Variants in GREB1L observed in about 807,000 individuals in gnomAD.
The protein encoded by GREB1L is GREB1 like retinoic acid receptor coactivator.
Under a neutral mutation model 200.8 loss-of-function variants are expected in GREB1L, and 17 were observed. That is an observed-to-expected ratio of 0.08 (90% CI 0.06 to 0.13). The LOEUF is 0.13. GREB1L is among the 10% of genes least tolerant of loss of function. The pLI is 1.00. For missense variants in GREB1L, 1,657 were observed against 2,367.7 expected, an observed-to-expected ratio of 0.70 and a Z score of 6.23; for synonymous variants, 789 against 893.0, an observed-to-expected ratio of 0.88 and a Z score of 2.08.
intron 18 of GREB1L, among the ~76,000 whole-genome samples, chr18:21,489,562 C>T (rs2145845164): frequency 6.6e-6 from 1 of 152,256 alleles, no homozygotes; most frequent in East Asian, 1.9e-4. Context: ...GGTGAGGATC[C>T]AGGAATTATC....
At chr18:21,384,675 G>C (rs1317295976) in intron 4 of GREB1L, among the ~76,000 whole-genome samples, 1 of 152,050 alleles carries the variant, frequency 6.6e-6, no homozygotes, top group Non-Finnish European at 1.5e-5. Flanking sequence ...GAATTGCAGA[G>C]GCAATTCTAA....
intron 1 of GREB1L, among the ~76,000 whole-genome samples, chr18:21,315,139 G>C (rs1356672833): frequency 6.6e-6 from 1 of 151,996 alleles, no homozygotes. Context: ...ACCCAGGCTG[G>C]AGTGTAGTGG....
At chr18:21,476,685 T>C (rs1598900068) in intron 16 of GREB1L, among the ~76,000 whole-genome samples, 1 of 151,910 alleles carries the variant, frequency 6.6e-6, no homozygotes, top group African/African-American at 2.4e-5. Context: ...TCTCCTGCCT[T>C]AGCCTCCCGA....
intron 7 of GREB1L, among the ~76,000 whole-genome samples, chr18:21,412,532 C>A (rs771236238): frequency 2.6e-5 from 4 of 152,182 alleles, no homozygotes; most frequent in South Asian, 2.1e-4. Flanking sequence ...ACAAAAAAGT[C>A]ATTCACAAAA....
intron 27 of GREB1L, among the ~76,000 whole-genome samples, chr18:21,512,493 A>G (rs544448139): frequency 1.3e-5 from 2 of 152,186 alleles, no homozygotes; most frequent in Non-Finnish European, 2.9e-5. Flanking sequence ...ATAGAAATGC[A>G]ACTGATTTTG....
intron 7 of GREB1L, among the ~76,000 whole-genome samples, chr18:21,414,545 A>C (rs1209002205): frequency 6.6e-6 from 1 of 152,196 alleles, no homozygotes; most frequent in African/African-American, 2.4e-5. Flanking sequence ...AATGTAGGCA[A>C]GTTCAAGATA....
intron 19 of GREB1L, among the ~76,000 whole-genome samples, chr18:21,490,664 G>A (rs1318247431): frequency 3.3e-5 from 5 of 152,134 alleles, no homozygotes; most frequent in Non-Finnish European, 7.4e-5. Flanking sequence ...TGTAGCCCAT[G>A]GCCATCTGTT....
intron 11 of GREB1L, among the ~76,000 whole-genome samples, chr18:21,445,831 C>G (rs926611095): frequency 6.6e-6 from 1 of 152,192 alleles, no homozygotes; most frequent in Non-Finnish European, 1.5e-5. Context: ...TAAAGCTCAT[C>G]TGGGTCCACA....
chr18:21,428,196 CAAAAAAAAAAAAAAAAAAAA>C (rs60750456), intron 7 of GREB1L, among the ~76,000 whole-genome samples: 1 of 48,168 alleles, frequency 2.1e-5, no homozygotes, highest in East Asian at 7.6e-4. Context: ...GACTCCGTCT[CAAAAAAAAAAAAAAAAAAAA>C]AAAAAAAAAA....
At chr18:21,463,773 T>C (rs887850266) in intron 15 of GREB1L, among the ~76,000 whole-genome samples, 5 of 152,164 alleles carry the variant, frequency 3.3e-5, no homozygotes, top group Non-Finnish European at 7.4e-5. Context: ...TCTCACCACG[T>C]TGCTCAGGCT....
At chr18:21,262,121 C>T (rs192799635) in intron 1 of GREB1L, among the ~76,000 whole-genome samples, 276 of 152,232 alleles carry the variant, frequency 1.8e-3, no homozygotes, top group Admixed American at 3.9e-3. Flanking sequence ...GATTCTATGA[C>T]ACACGGTCAG....
chr18:21,508,857 T>C (rs1208333805), intron 27 of GREB1L: 3 of 502,068 alleles, frequency 6.0e-6, no homozygotes, highest in African/African-American at 5.8e-5. Context: ...CTGGGAAGGT[T>C]TGGGATTCTT....
intron 4 of GREB1L, among the ~76,000 whole-genome samples, chr18:21,391,139 TACTC>T (rs1164550614): frequency 1.3e-5 from 2 of 152,216 alleles, no homozygotes; most frequent in Non-Finnish European, 1.5e-5. Flanking sequence ...ATTCACTCAT[TACTC>T]ACTCACTGAC....
chr18:21,461,271 C>T (rs1430392173), intron 15 of GREB1L, among the ~76,000 whole-genome samples: 1 of 152,100 alleles, frequency 6.6e-6, no homozygotes, highest in East Asian at 1.9e-4. Context: ...TTTGAGGAAC[C>T]TCACGCTATT....
chr18:21,486,780 A>G (rs1416828098), intron 18 of GREB1L, among the ~76,000 whole-genome samples: 1 of 152,108 alleles, frequency 6.6e-6, no homozygotes, highest in Non-Finnish European at 1.5e-5. Flanking sequence ...GCCCTCCACA[A>G]TATTCTGTTT....
chr18:21,403,746 C>T, intron 6 of GREB1L, 126 bp from the exon 7 acceptor site: 1 of 696,160 alleles, frequency 1.4e-6, no homozygotes, highest in Non-Finnish European at 2.4e-6. Context: ...AAGGTGATCT[C>T]TAATTAAAGT....
chr18:21,403,840 C>A (rs2041417825), intron 6 of GREB1L, 32 bp from the exon 7 acceptor site: 1 of 1,540,338 alleles, frequency 6.5e-7, no homozygotes, highest in African/African-American at 1.4e-5. Context: ...ACATTGGTCA[C>A]TTCATACAAT....
chr18:21,476,597 T>G (rs1402360162), intron 16 of GREB1L, among the ~76,000 whole-genome samples: 8 of 152,028 alleles, frequency 5.3e-5, no homozygotes, highest in Non-Finnish European at 1.2e-4. Flanking sequence ...TTTTAAACAG[T>G]CTAGCTGTGT....
At chr18:21,454,595 T>C (rs3794938) in intron 15 of GREB1L, 32 bp downstream of exon 15, 315,193 of 1,490,032 alleles carry the variant, frequency 0.21, 42,885 homozygotes, top group African/African-American at 0.55. Context: ...GGAGCCCACC[T>C]AGATCCAGCT....
Sources: allele counts gnomAD v4.1 joint callset (sites outside exome capture counted in the v4.1 genomes callset), GRCh38; gene constraint gnomAD v4.1.1; transcripts MANE v1.5; gene names NCBI Gene and HGNC (gene_info 2026-07-23, HGNC 2026-07-21).